CILP: variants seen among roughly 807,000 people sequenced by gnomAD.
CILP encodes cartilage intermediate layer protein 1.
A neutral mutation model predicts 82.5 loss-of-function variants in CILP; 75 were observed. The observed-to-expected ratio is 0.91, with a 90% CI of 0.75 to 1.10. The LOEUF (loss-of-function observed/expected upper bound fraction) is 1.10. Ranked by LOEUF, CILP falls within the 50% of genes least tolerant of loss-of-function variation. CILP has a pLI of 0.00. For synonymous variants in CILP, 530 were observed against 580.3 expected (o/e 0.91, Z 1.25); for missense variants, 1,479 against 1,530.8 (o/e 0.97, Z 0.56).
At chr15:65,207,151 A>T in intron 3 of CILP, 100 bp from the exon 4 acceptor site, 1 of 1,327,570 alleles carries the variant, frequency 7.5e-7, no homozygotes, top group Non-Finnish European at 1.0e-6. Context: ...GCCCTATCAC[A>T]TTTGTCTCTC....
rs752528671 is a variant in CILP, at chr15:65,197,401, C to T, written c.2885G>A (p.Gly962Glu). ...RACYIKVKIV[G>E]PLEVNVRSRN... is the part of the protein sequence containing the mutation. ...GGATCGCACATTCACTTCCAGTGGCCCCACAATCTTCACCTTGATATAGCA... is the reference window on the plus strand; with the variant it reads ...GGATCGCACATTCACTTCCAGTGGCTCCACAATCTTCACCTTGATATAGCA... The change falls in exon 9 of 9, where the codon GGG becomes GAG. Residue 962 changes from glycine (G) to glutamate (E), a missense_variant. Coordinates refer to ENST00000261883, the MANE Select transcript of CILP (RefSeq NM_003613.4). The T allele has an allele frequency of 3.7e-6, 6 of 1,614,098 alleles. No homozygotes were observed. The highest frequency in any genetic ancestry group is 2.2e-5 in the East Asian group (1 of 44,900).
intron 8 of CILP, among the ~76,000 whole-genome samples, chr15:65,200,721 A>G (rs1225498549): frequency 6.6e-6 from 1 of 152,208 alleles, no homozygotes; most frequent in Non-Finnish European, 1.5e-5. Context: ...CTTGGTTGCA[A>G]ATTGGAATCA....
At position 65,199,100 on chromosome 15, in the gene CILP, C is replaced by A; in HGVS notation, c.1187-1G>T. Reference sequence around the variant, plus strand: ...GGGTTGCAAGGAGTCTCATCAGATGCTGTGTAGGGAAATGGTGTGGAAATT... The same window carrying A: ...GGGTTGCAAGGAGTCTCATCAGATGATGTGTAGGGAAATGGTGTGGAAATT... On this transcript the variant is annotated splice_acceptor_variant, in intron 8 of 8. Coordinates refer to ENST00000261883, the MANE Select transcript of CILP (RefSeq NM_003613.4). LOFTEE classifies it high-confidence loss of function. The A allele has an allele frequency of 1.3e-6, 2 of 1,578,936 alleles. No homozygotes were observed. The highest frequency in any genetic ancestry group is 1.3e-5 in the African/African-American group (1 of 74,514).
chr15:65,202,517 T>G (rs2088470170), intron 7 of CILP, among the ~76,000 whole-genome samples: 1 of 151,950 alleles, frequency 6.6e-6, no homozygotes, highest in African/African-American at 2.4e-5. Flanking sequence ...AACCTCCGTC[T>G]CCCAGGTTCA....
At chr15:65,208,040 T>G (rs2140683219) in intron 2 of CILP, among the ~76,000 whole-genome samples, 1 of 152,322 alleles carries the variant, frequency 6.6e-6, no homozygotes, top group East Asian at 1.9e-4. Flanking sequence ...TGGCTTGTAG[T>G]GCACACTCAG....
Position 65,197,684 on chromosome 15 carries a change from G to T in CILP, c.2602C>A (p.Arg868=). The change falls in exon 9 of 9, where the codon CGG becomes AGG. Residue 868 remains arginine, a synonymous_variant. Transcript: ENST00000261883. The part of the protein sequence containing the change: ...NYRRTDHEDP[R]VKKTAFQISM... The stretch of plus-strand genomic sequence containing the variant: ...ATCTGGAAAGCTGTCTTTTTAACCC[G>T]TGGATCCTCATGGTCCGTCCGACGG... 2 of 1,613,774 alleles carry T rather than the reference G, an allele frequency of 1.2e-6. No individual in the cohort carries two copies. The highest frequency in any genetic ancestry group is 1.7e-6 in the Non-Finnish European group (2 of 1,180,044).
rs372490287 is a variant in CILP at position 65,198,729 on chromosome 15, C to G, written c.1557G>C (p.Met519Ile). ...HVYMGNSRVS[M>I]TGYKGTFTLH... is the part of the protein sequence containing the mutation. ...GGGTGAAAGTGCCCTTGTAGCCAGT[C>G]ATGCTTACACGGCTGTTCCCCATGT... Residue 519 changes from methionine (M) to isoleucine (I), a missense_variant, in exon 9 of 9, where the codon ATG becomes ATC. Met to Ile is a conservative substitution (Grantham distance 10, BLOSUM62 1). Transcript: ENST00000261883. 2 of 1,614,242 alleles carry G rather than the reference C, an allele frequency of 1.2e-6. No homozygotes were observed. The highest frequency in any genetic ancestry group is 1.7e-6 in the Non-Finnish European group (2 of 1,180,042).
rs201483229 is a variant in CILP, at chr15:65,199,046, G to A, written c.1240C>T (p.Pro414Ser). 2.5e-6 allele frequency: 4 copies of A among 1,602,872 alleles called. No homozygotes were observed. Among genetic ancestry groups the A allele is most frequent in the Non-Finnish European group, 3.4e-6 (4 of 1,179,810 alleles). Residue 414 changes from proline to serine, a missense_variant, in exon 9 of 9, where the codon CCC becomes TCC. Physicochemically the swap from Pro to Ser is moderately conservative, Grantham distance 74 (BLOSUM62 -1). Transcript: ENST00000261883. ...PVPESYLIRLPHDCFQNATNS... is the reference protein window; with the variant it reads ...PVPESYLIRLSHDCFQNATNS... ...GTGGCATTCTGAAAGCAATCATGGG[G>A]CAGCCGGATAAGATAGCTCTCAGGA...
chr15:65,210,695 G>A (rs1298110602), intron 1 of CILP, among the ~76,000 whole-genome samples: 1 of 152,182 alleles, frequency 6.6e-6, no homozygotes, highest in East Asian at 1.9e-4. Context: ...AACATCCTAA[G>A]TCCAGGGTGT....
rs967407090 is a variant in CILP at position 65,198,957 on chromosome 15, A to G, written c.1329T>C (p.Asn443=). The change falls in exon 9 of 9, where the codon AAT becomes AAC. Residue 443 remains asparagine (N), a synonymous_variant. Transcript: ENST00000261883. ...GCACAGCATCACGGCACCTGATCCC[A>G]TTATCCTGCTGCCCTGCACAAGTCT... The part of the protein sequence containing the change: ...PVKTCAGQQD[N]GIRCRDAVQN... 1.2e-6 allele frequency: 2 copies of G among 1,613,726 alleles called. No homozygotes were observed. The highest frequency in any genetic ancestry group is 1.7e-6 in the Non-Finnish European group (2 of 1,180,032).
chr15:65,208,881 C>T (rs962983194), intron 2 of CILP, among the ~76,000 whole-genome samples: 2 of 152,122 alleles, frequency 1.3e-5, no homozygotes, highest in African/African-American at 4.8e-5. Context: ...CAAGCAGCAG[C>T]TGTCAGGGTG....
At chr15:65,203,949 C>T (rs11856834) in intron 6 of CILP, among the ~76,000 whole-genome samples, 82,579 of 152,034 alleles carry the variant, frequency 0.54, 23,196 homozygotes, top group Non-Finnish European at 0.62. Flanking sequence ...GAGCAAGCCA[C>T]GCCAATATCT....
At chr15:65,202,862 A>G (rs1384776047) in intron 7 of CILP, among the ~76,000 whole-genome samples, 7 of 140,450 alleles carry the variant, frequency 5.0e-5, no homozygotes, top group African/African-American at 1.9e-4. Flanking sequence ...TTGAGACAAG[A>G]TCACACACTG....
intron 2 of CILP, among the ~76,000 whole-genome samples, chr15:65,209,144 T>C (rs111735583): frequency 1.4e-3 from 211 of 151,696 alleles, no homozygotes; most frequent in African/African-American, 4.8e-3. Flanking sequence ...GGAAGTCTTC[T>C]GTTCCACCAG....
At chr15:65,202,266 C>G (rs1002447739) in intron 7 of CILP, among the ~76,000 whole-genome samples, 2 of 152,116 alleles carry the variant, frequency 1.3e-5, no homozygotes, top group African/African-American at 4.8e-5. Context: ...CCTCCCCCAC[C>G]CCATCTCACC....
In CILP at chr15:65,198,777, C is replaced by A; in HGVS notation, c.1509G>T (p.Glu503Asp). 11 of 1,614,186 alleles carry A rather than the reference C, an allele frequency of 6.8e-6. No homozygotes were observed. Among genetic ancestry groups the A allele is most frequent in the Non-Finnish European group, 9.3e-6 (11 of 1,180,050 alleles). ...TGTACACATGGCCAAAGCGCATGGG[C>A]TCCCCATTGTCAGCAGCACTGACAC... Reference protein sequence around the residue: ...RGRVSAADNGEPMRFGHVYMG... With the variant: ...RGRVSAADNGDPMRFGHVYMG... The change falls in exon 9 of 9, where the codon GAG becomes GAT. Residue 503 changes from glutamate (E) to aspartate (D), a missense_variant. Transcript: ENST00000261883.
rs140056373 is a variant in CILP at position 65,207,008 on chromosome 15, G to A, written c.198C>T (p.Gly66=). The part of the protein sequence containing the change: ...WTTWFNIDYP[G]GKGDYERLDA... ...CCAGCCGCTCATAGTCGCCCTTCCCGCCTGGGTAGTCGATGTTGAACCATG... is the reference window on the plus strand; with the variant it reads ...CCAGCCGCTCATAGTCGCCCTTCCCACCTGGGTAGTCGATGTTGAACCATG... Residue 66 remains glycine (G), a synonymous_variant, in exon 4 of 9, where the codon GGC becomes GGT. Coordinates refer to ENST00000261883, the MANE Select transcript of CILP (RefSeq NM_003613.4). The A allele has an allele frequency of 2.6e-4, 420 of 1,613,910 alleles. 2 individuals are homozygous for A. In the African/African-American group the frequency reaches 4.5e-3, roughly 17 times the overall value.
Position 65,205,276 on chromosome 15 carries a change from G to T in CILP, c.604+11C>A, listed in dbSNP as rs367623719. 48 of 1,584,400 alleles carry T rather than the reference G, an allele frequency of 3.0e-5. No individual in the cohort carries two copies. Among genetic ancestry groups the T allele is most frequent in the Non-Finnish European group, 4.1e-5 (47 of 1,158,280 alleles). ...CCACACCCTGCCCAGTGCCAGGAGG[G>T]AGGGTGGTACCTGTACAGTCCTGGC... On this transcript the variant is annotated intron_variant, in intron 5 of 8. Coordinates refer to ENST00000261883, the MANE Select transcript of CILP (RefSeq NM_003613.4).
chr15:65,202,113 G>A (rs879305647), intron 7 of CILP, 84 bp from the exon 8 acceptor site: 113 of 1,178,702 alleles, frequency 9.6e-5, no homozygotes, highest in Non-Finnish European at 1.3e-4. Context: ...GGCAGCCAAG[G>A]AGACAGATGA....
Sources: allele counts gnomAD v4.1 joint callset (sites outside exome capture counted in the v4.1 genomes callset), GRCh38; gene constraint gnomAD v4.1.1; transcripts MANE v1.5; gene names NCBI Gene and HGNC (gene_info 2026-07-23, HGNC 2026-07-21).